The following MYBPC1 variants were observed in gnomAD, a reference collection of about 807,000 sequenced individuals.
MYBPC1 encodes the protein myosin binding protein C1, also known as myosin-binding protein C, slow-type.
MYBPC1 carries 52 observed loss-of-function variants against 147.1 expected under a neutral mutation model. That is an observed-to-expected ratio of 0.35 (90% CI 0.28 to 0.45). The LOEUF is 0.45. Among genes scored for constraint, MYBPC1 ranks in the 20% least tolerant of loss-of-function variants. MYBPC1 has a pLI of 1.00. For synonymous variants in MYBPC1, 477 were observed against 475.9 expected, an observed-to-expected ratio of 1.00 and a Z score of -0.03; for missense variants, 1,228 against 1,440.3, an observed-to-expected ratio of 0.85 and a Z score of 2.39.
At chr12:101,684,693 T>A (rs558803731) in intron 31 of MYBPC1, among the ~76,000 whole-genome samples, 6 of 152,306 alleles carry the variant, frequency 3.9e-5, no homozygotes, top group African/African-American at 1.2e-4. Flanking sequence ...AAATGGGTGA[T>A]ACCCAAGCAT....
At chr12:101,675,265 C>T (rs918882784) in intron 25 of MYBPC1, 27 bp from the exon 26 acceptor site, 34 of 1,613,564 alleles carry the variant, frequency 2.1e-5, no homozygotes, top group Non-Finnish European at 2.9e-5. Flanking sequence ...AGTGACCTTG[C>T]AGTGACACCA....
intron 1 of MYBPC1, among the ~76,000 whole-genome samples, chr12:101,596,974 A>G (rs139734769): frequency 2.6e-4 from 40 of 152,368 alleles, no homozygotes; most frequent in African/African-American, 7.9e-4. Context: ...TATATTTAAA[A>G]TCCATTGAGG....
intron 1 of MYBPC1, among the ~76,000 whole-genome samples, chr12:101,612,723 G>A (rs7308665): frequency 0.24 from 36,499 of 152,084 alleles, 4,708 homozygotes; most frequent in African/African-American, 0.28. Context: ...GAAAGATAGC[G>A]TGTCAAAGAA....
At chr12:101,646,927 T>C in intron 13 of MYBPC1, 40 bp downstream of exon 13, 1 of 1,611,730 alleles carries the variant, frequency 6.2e-7, no homozygotes, top group Non-Finnish European at 8.5e-7. Context: ...CAGGAGCTGT[T>C]GGCTTCTTCT....
chr12:101,606,203 A>AAC (rs113061042), intron 1 of MYBPC1, among the ~76,000 whole-genome samples: 21,211 of 145,758 alleles, frequency 0.15, 1,540 homozygotes, highest in Middle Eastern at 0.23. Flanking sequence ...TCAAAAAAGA[A>AAC]ACACACACAC....
At chr12:101,627,677 G>A (rs1593759896) in intron 4 of MYBPC1, 92 bp from the exon 5 acceptor site, 1 of 1,425,476 alleles carries the variant, frequency 7.0e-7, no homozygotes, top group Non-Finnish European at 9.9e-7. Flanking sequence ...GAGGAGACAG[G>A]GTTTAGGGGA....
intron 23 of MYBPC1, among the ~76,000 whole-genome samples, chr12:101,669,196 A>T (rs578246184): frequency 6.6e-6 from 1 of 152,186 alleles, no homozygotes; most frequent in African/African-American, 2.4e-5. Flanking sequence ...TGTCTGAAGT[A>T]CTTAGGCTGC....
At chr12:101,605,128 C>T (rs1257062781) in intron 1 of MYBPC1, among the ~76,000 whole-genome samples, 1 of 152,070 alleles carries the variant, frequency 6.6e-6, no homozygotes, top group Non-Finnish European at 1.5e-5. Context: ...CTTCAGAGGC[C>T]CTTTTATTTG....
intron 1 of MYBPC1, among the ~76,000 whole-genome samples, chr12:101,609,743 C>T (rs1883585162): frequency 6.6e-6 from 1 of 152,172 alleles, no homozygotes; most frequent in African/African-American, 2.4e-5. Flanking sequence ...TCAATTGATA[C>T]TAAAAGGCAA....
In MYBPC1 at chr12:101,682,723, A is replaced by C. The variant is rs957660018; in HGVS notation, c.3492+61A>C. The C allele has an allele frequency of 3.5e-6, 5 of 1,448,250 alleles. No homozygotes were observed. The African/African-American group carries it at 7.0e-5, about 20-fold the overall frequency. The allele number at this position is 1,448,250 out of a possible 1,614,324, so 89.7% of individuals were successfully genotyped here. A position where few individuals can be genotyped will look rare whatever the true frequency, so the allele number is the denominator to read the frequency against. ...TTCCGTTCCATTCCTCTTACATGAAAATGCACCTTGCATGTAAAGCTTGAC... is the reference window on the plus strand; with the variant it reads ...TTCCGTTCCATTCCTCTTACATGAACATGCACCTTGCATGTAAAGCTTGAC... On this transcript the variant is annotated intron_variant, in intron 30 of 31. Coordinates refer to ENST00000361466, the MANE Select transcript of MYBPC1 (RefSeq NM_002465.4).
downstream of MYBPC1, among the ~76,000 whole-genome samples, chr12:101,688,079 G>C (rs757370874): frequency 2.0e-5 from 3 of 151,916 alleles, no homozygotes; most frequent in Non-Finnish European, 2.9e-5. Flanking sequence ...AAAAAATTAC[G>C]TATCACAGGA....
chr12:101,635,625 A>G (rs545338764), intron 9 of MYBPC1, among the ~76,000 whole-genome samples: 9 of 152,306 alleles, frequency 5.9e-5, no homozygotes, highest in Non-Finnish European at 1.2e-4. Context: ...GTATACAAGT[A>G]TATCTTAGGA....
intron 18 of MYBPC1, among the ~76,000 whole-genome samples, chr12:101,655,948 G>A (rs535253898): frequency 6.6e-6 from 1 of 152,034 alleles, no homozygotes; most frequent in East Asian, 1.9e-4. Flanking sequence ...AATGATAAAA[G>A]CAACAATGTA....
At chr12:101,678,449 AG>A (rs1900560132) in intron 28 of MYBPC1, among the ~76,000 whole-genome samples, 1 of 152,244 alleles carries the variant, frequency 6.6e-6, no homozygotes, top group African/African-American at 2.4e-5. Context: ...TTCCTTCTAA[AG>A]AAAAAGCAAA....
intron 4 of MYBPC1, among the ~76,000 whole-genome samples, chr12:101,627,150 A>G (rs935757991): frequency 2.6e-5 from 4 of 152,220 alleles, no homozygotes; most frequent in African/African-American, 9.6e-5. Flanking sequence ...AATCTTGGGT[A>G]TAAATGTTAG....
chr12:101,662,463 T>C lies in MYBPC1; in HGVS notation c.2138T>C (p.Val713Ala). The C allele has an allele frequency of 1.2e-6, 2 of 1,614,256 alleles. No individual in the cohort carries two copies. The highest frequency in any genetic ancestry group is 1.7e-6 in the Non-Finnish European group (2 of 1,180,048). Residue 713 changes from valine to alanine, a missense_variant, in exon 21 of 32, where the codon GTG (valine) becomes GCG (alanine). Val to Ala is a moderately conservative substitution (Grantham distance 64). Coordinates refer to ENST00000361466, the MANE Select transcript of MYBPC1 (RefSeq NM_002465.4). ...TFEPKKMIEG[V>A]AYEVRIFAVN... Reference sequence around the variant, plus strand: ...GAGCCCAAGAAGATGATTGAAGGTGTGGCCTATGAGGTCCGCATCTTTGCA... The same window carrying C: ...GAGCCCAAGAAGATGATTGAAGGTGCGGCCTATGAGGTCCGCATCTTTGCA...
chr12:101,646,662 C>T, intron 12 of MYBPC1, 101 bp from the exon 13 acceptor site: 1 of 1,376,708 alleles, frequency 7.3e-7, no homozygotes, highest in Non-Finnish European at 1.0e-6. Flanking sequence ...AGATCCTTGA[C>T]TTTCAAACAC....
intron 13 of MYBPC1, among the ~76,000 whole-genome samples, chr12:101,647,614 A>G (rs1893478625): frequency 6.6e-6 from 1 of 152,234 alleles, no homozygotes; most frequent in Admixed American, 6.5e-5. Flanking sequence ...ACAGACAGCC[A>G]CAGTGGCTCA....
At chr12:101,641,114 A>AG (rs1891934808) in intron 10 of MYBPC1, among the ~76,000 whole-genome samples, 1 of 130,316 alleles carries the variant, frequency 7.7e-6, no homozygotes, top group African/African-American at 2.8e-5. Flanking sequence ...TCTGTCTCAA[A>AG]GAAAAAAAAA....
Sources: allele counts gnomAD v4.1 joint callset (sites outside exome capture counted in the v4.1 genomes callset), GRCh38; gene constraint gnomAD v4.1.1; transcripts MANE v1.5; gene names NCBI Gene and HGNC (gene_info 2026-07-23, HGNC 2026-07-21).